Variants in SPOCD1 observed in about 807,000 individuals in gnomAD.
The protein encoded by SPOCD1 is SPOC domain-containing protein 1.
A neutral mutation model predicts 92.2 loss-of-function variants in SPOCD1; 64 were observed. That is an observed-to-expected ratio of 0.69 (90% confidence interval 0.57 to 0.86). The LOEUF (loss-of-function observed/expected upper bound fraction) is 0.86. SPOCD1 is among the 40% of genes least tolerant of loss of function. The pLI is 0.00. For missense variants in SPOCD1, 1,360 were observed against 1,543.1 expected, an observed-to-expected ratio of 0.88 and a Z score of 1.99; for synonymous variants, 578 against 619.3, an observed-to-expected ratio of 0.93 and a Z score of 0.99.
rs1648379412 is a variant in SPOCD1, at chr1:31,800,507, T to C, written c.1536A>G (p.Ser512=). The C allele has an allele frequency of 1.2e-6, 2 of 1,612,378 alleles. No homozygotes were observed. The highest frequency in any genetic ancestry group is 1.7e-6 in the Non-Finnish European group (2 of 1,179,290). ...TTCTGAGCCTCTGGGCAGGTGAGGG[T>C]GAGCTGACCTCCATCAAGTCCTCTA... ...EVLEDLMEVS[S]PSPAQRLRRK... Residue 512 remains serine, a synonymous_variant, in exon 4 of 16, where the codon TCA becomes TCG. Coordinates refer to ENST00000360482, the MANE Select transcript of SPOCD1 (RefSeq NM_144569.7).
chr1:31,792,145 G>A, intron 15 of SPOCD1, 70 bp downstream of exon 15: 1 of 1,506,800 alleles, frequency 6.6e-7, no homozygotes, highest in Non-Finnish European at 9.0e-7. Context: ...CTGGGTGACT[G>A]TGTCAACCGT....
At chr1:31,811,133 G>C (rs1295363868) in intron 2 of SPOCD1, among the ~76,000 whole-genome samples, 1 of 152,220 alleles carries the variant, frequency 6.6e-6, no homozygotes, top group Non-Finnish European at 1.5e-5. Context: ...CCACTTCATA[G>C]AGGAGGCAAC....
rs35893741 is a variant in SPOCD1 at position 31,799,453 on chromosome 1, T to C, written c.1816A>G (p.Ile606Val). 3.7e-3 allele frequency: 6,031 copies of C among 1,611,948 alleles called. 184 individuals carry two copies. The African/African-American group carries it at 0.069, about 18-fold the overall frequency. The change falls in exon 7 of 16, where the codon ATT becomes GTT. Residue 606 changes from isoleucine to valine, a missense_variant. Transcript: ENST00000360482. ...CGGACAACAGTGCCCCGCACCCCAA[T>C]ATACAGGGATGGCTTCTCCTGTTGG... is the stretch of plus-strand genomic sequence containing the variant. ...QLQQEKPSLY[I>V]GVRGTVVRSM...
chr1:31,793,763 T>C lies in SPOCD1; in HGVS notation c.2518A>G (p.Thr840Ala), dbSNP rs1647785950. ...EMPKTRELSP[T>A]EPQDRVPPSG... The stretch of plus-strand genomic sequence containing the variant: ...ACCCCACACCTGTCCTGTGGTTCCG[T>C]GGGAGACAACTCCCTGGTTTTGGGC... The change falls in exon 12 of 16, where the codon ACG becomes GCG. Residue 840 changes from threonine to alanine, a missense_variant. Thr to Ala is a moderately conservative substitution (Grantham distance 58). This residue lies in a region of SPOCD1 where 614 missense variants were observed against 757.8 expected (regional missense o/e 0.81). Coordinates refer to ENST00000360482, the MANE Select transcript of SPOCD1 (RefSeq NM_144569.7). The C allele has an allele frequency of 1.9e-6, 3 of 1,614,200 alleles. No individual in the cohort carries two copies. Among genetic ancestry groups the C allele is most frequent in the Non-Finnish European group, 2.5e-6 (3 of 1,180,030 alleles).
Position 31,790,423 on chromosome 1 carries a change from C to T in SPOCD1, c.*180G>A. On this transcript the variant is annotated 3_prime_UTR_variant, in exon 16 of 16. Coordinates refer to ENST00000360482, the MANE Select transcript of SPOCD1 (RefSeq NM_144569.7). ...CTCCTGACCAGCTAGCAGATGCAAT[C>T]CCAATTTTACCAAATTCTTTATTGA... is the stretch of plus-strand genomic sequence containing the variant. 1.5e-6 allele frequency: 1 copy of T among 648,824 alleles called. No homozygotes were observed. The highest frequency in any genetic ancestry group is 2.0e-5 in the South Asian group (1 of 51,140). The allele number at this position is 648,824 out of a possible 1,614,324, so 40.2% of individuals were successfully genotyped here.
rs541034884 is a variant in SPOCD1, at chr1:31,812,669, A to C, written c.1383+1282T>G. Among the ~76,000 whole-genome samples, 54 of 152,376 alleles carry C rather than the reference A, an allele frequency of 3.5e-4. 2 individuals are homozygous for C. The Middle Eastern group carries it at 0.01, about 29-fold the overall frequency. ...GGTATATGTCAATAGAGTCTACCTCATAGGCTTGTTACAAAGATTGCAGAT... is the reference window on the plus strand; with the variant it reads ...GGTATATGTCAATAGAGTCTACCTCCTAGGCTTGTTACAAAGATTGCAGAT... On this transcript the variant is annotated intron_variant, in intron 2 of 15. Transcript: ENST00000360482.
At chr1:31,811,829 C>T (rs1474496970) in intron 2 of SPOCD1, among the ~76,000 whole-genome samples, 2 of 152,204 alleles carry the variant, frequency 1.3e-5, no homozygotes, top group East Asian at 1.9e-4. Flanking sequence ...TGGGCTGTGC[C>T]GCAGTCAAGG....
In SPOCD1 at chr1:31,814,003, T is replaced by C. The variant is rs1001836238; in HGVS notation, c.1331A>G (p.Asn444Ser). 1 of 1,600,204 alleles carries C rather than the reference T, an allele frequency of 6.2e-7. No homozygotes were observed. The highest frequency in any genetic ancestry group is 1.1e-5 in the South Asian group (1 of 88,974). ...QDRGTDRSSD[N>S]SHQDRPEEPS... ...TTCCTCTGGCCTGTCCTGGTGGGAG[T>C]TGTCTGAGCTTCTGTCTGTGCCCCG... Residue 444 changes from asparagine to serine, a missense_variant, in exon 2 of 16, where the codon AAC becomes AGC. Physicochemically the swap from Asn to Ser is conservative, Grantham distance 46 (BLOSUM62 1). Transcript: ENST00000360482. This position sits in a 1 kb window ranked among gnomAD's most constrained non-coding sequence, Gnocchi z 4.2.
chr1:31,810,947 C>G (rs528775916), intron 2 of SPOCD1, among the ~76,000 whole-genome samples: 8 of 152,264 alleles, frequency 5.3e-5, no homozygotes, highest in Non-Finnish European at 1.2e-4. Context: ...GCTATCCCAC[C>G]CATAGAGCAG....
intron 2 of SPOCD1, among the ~76,000 whole-genome samples, chr1:31,806,174 A>ATC (rs1648804347): frequency 6.6e-6 from 1 of 152,070 alleles, no homozygotes; most frequent in Admixed American, 6.5e-5. Flanking sequence ...AATTTCATAT[A>ATC]TCTCTCTAAC....
At chr1:31,812,824 C>A (rs1334546027) in intron 2 of SPOCD1, among the ~76,000 whole-genome samples, 3 of 152,234 alleles carry the variant, frequency 2.0e-5, no homozygotes, top group African/African-American at 7.2e-5. Flanking sequence ...AGGCTTGTAG[C>A]CTTGCTCCCA....
At chr1:31,808,150 G>A (rs1055067462) in intron 2 of SPOCD1, among the ~76,000 whole-genome samples, 1 of 151,952 alleles carries the variant, frequency 6.6e-6, no homozygotes, top group African/African-American at 2.4e-5. Flanking sequence ...TATGAAGCTA[G>A]CAAAACCCTG....
At position 31,814,129 on chromosome 1, in the gene SPOCD1, T is replaced by A. The variant is rs376146499; in HGVS notation, c.1205A>T (p.Asp402Val). The A allele has an allele frequency of 1.7e-5, 28 of 1,603,114 alleles. No homozygotes were observed. The African/African-American group carries it at 3.6e-4, about 21-fold the overall frequency. The change falls in exon 2 of 16, where the codon GAT becomes GTT. Residue 402 changes from aspartate to valine, a missense_variant. By Grantham distance (152) the Asp-to-Val change is radical (BLOSUM62 -3). Coordinates refer to ENST00000360482, the MANE Select transcript of SPOCD1 (RefSeq NM_144569.7). The surrounding 1 kb of genome is among the most constrained non-coding windows in gnomAD (Gnocchi z 4.2). ...TGAGCAGGCCCTGCTGGCTTCAGTA[T>A]CCAGGGAGGAGCTGAGGCCGCCCAA... ...EPLGGLSSSL[D>V]TEASRACSGP...
intron 13 of SPOCD1, 146 bp from the exon 14 acceptor site, chr1:31,792,913 T>C (rs1647708740): frequency 1.4e-6 from 1 of 730,788 alleles, no homozygotes; most frequent in Non-Finnish European, 2.4e-6. Context: ...CAGAAAGCTC[T>C]AATTGCCCCA....
chr1:31,806,812 T>TA (rs1234367417), intron 2 of SPOCD1, among the ~76,000 whole-genome samples: 1 of 152,052 alleles, frequency 6.6e-6, no homozygotes, highest in African/African-American at 2.4e-5. Context: ...CTAGGCCTCC[T>TA]AAAGTGCTGG....
intron 2 of SPOCD1, among the ~76,000 whole-genome samples, chr1:31,803,764 G>A (rs1648629123): frequency 6.9e-6 from 1 of 145,824 alleles, no homozygotes; most frequent in African/African-American, 2.5e-5. Context: ...GGAAAGGAGA[G>A]GAGAAGAAAA....
At chr1:31,804,919 G>T (rs760276325) in intron 2 of SPOCD1, among the ~76,000 whole-genome samples, 2 of 149,434 alleles carry the variant, frequency 1.3e-5, no homozygotes, top group African/African-American at 4.9e-5. Context: ...GACAAAGATT[G>T]TAACTACCTT....
In SPOCD1 at chr1:31,798,158, A is replaced by G. The variant is rs1294396129; in HGVS notation, c.2145+49T>C. The G allele has an allele frequency of 2.1e-6, 3 of 1,404,402 alleles. No homozygotes were observed. Among genetic ancestry groups the G allele is most frequent in the Non-Finnish European group, 3.0e-6 (3 of 990,264 alleles). The allele number at this position is 1,404,402 out of a possible 1,614,324, so 87.0% of individuals were successfully genotyped here. A position where few individuals can be genotyped will look rare whatever the true frequency, so the allele number is the denominator to read the frequency against. ...TCCCTCTTCCACTCTCAGGCCACCCACTCTGCCCCTACATCCCCTCACCCA... is the reference window on the plus strand; with the variant it reads ...TCCCTCTTCCACTCTCAGGCCACCCGCTCTGCCCCTACATCCCCTCACCCA... On this transcript the variant is annotated intron_variant, in intron 9 of 15. Transcript: ENST00000360482. This position sits in a 1 kb window ranked among gnomAD's most constrained non-coding sequence, Gnocchi z 4.1.
chr1:31,792,444 C>G lies in SPOCD1; in HGVS notation c.2776-43G>C, dbSNP rs771731321. 4 of 1,589,546 alleles carry G rather than the reference C, an allele frequency of 2.5e-6. No individual in the cohort carries two copies. The African/African-American group carries it at 5.4e-5, about 21-fold the overall frequency. ...GAGCAGCTGTAAGCGCAGTCATCCTCTGCTCCTGCCAACACCCCTGGGCTC... is the reference window on the plus strand; with the variant it reads ...GAGCAGCTGTAAGCGCAGTCATCCTGTGCTCCTGCCAACACCCCTGGGCTC... On this transcript the variant is annotated intron_variant, in intron 14 of 15. Coordinates refer to ENST00000360482, the MANE Select transcript of SPOCD1 (RefSeq NM_144569.7).
Sources: gnomAD v4.1 joint callset for allele counts (sites outside exome capture counted in the v4.1 genomes callset) on GRCh38, gnomAD v4.1.1 for gene constraint, gnomAD v4.1.1 regional missense constraint, Gnocchi (gnomAD v3.1) non-coding constraint, MANE v1.5 for transcripts, NCBI Gene and HGNC (gene_info 2026-07-23, HGNC 2026-07-21) for gene names.